ARFIP1: variants seen among roughly 807,000 people sequenced by gnomAD.
The protein encoded by ARFIP1 is arfaptin-1.
ARFIP1 carries 24 observed loss-of-function variants against 42.5 expected under a neutral mutation model. That is an observed-to-expected ratio of 0.57 (90% CI 0.41 to 0.80). The LOEUF is 0.80. Ranked by LOEUF, ARFIP1 falls within the 30% of genes least tolerant of loss-of-function variation. The pLI, the probability that ARFIP1 is intolerant of heterozygous loss-of-function variation, is 0.00. For synonymous variants in ARFIP1, 141 were observed against 153.7 expected, an observed-to-expected ratio of 0.92 and a Z score of 0.61; for missense variants, 354 against 434.0, an observed-to-expected ratio of 0.82 and a Z score of 1.64.
At chr4:152,845,909 G>A (rs1313514955) in intron 2 of ARFIP1, among the ~76,000 whole-genome samples, 1 of 152,124 alleles carries the variant, frequency 6.6e-6, no homozygotes, top group African/African-American at 2.4e-5. Context: ...TCATCAGAGT[G>A]CTATTGACAG....
At chr4:152,781,866 T>C (rs1730518216) in intron 1 of ARFIP1, among the ~76,000 whole-genome samples, 1 of 152,250 alleles carries the variant, frequency 6.6e-6, no homozygotes, top group Non-Finnish European at 1.5e-5. Context: ...TCAACAACTT[T>C]CAGGGGTCTT....
chr4:152,831,271 C>G (rs1350661692), intron 2 of ARFIP1, among the ~76,000 whole-genome samples: 2 of 152,182 alleles, frequency 1.3e-5, no homozygotes, highest in Admixed American at 6.5e-5. Context: ...AATATCTGCT[C>G]TGTACCAGGT....
rs536318352 is a variant in ARFIP1 at position 152,863,705 on chromosome 4, G to A, written c.193G>A (p.Ala65Thr). The A allele has an allele frequency of 6.3e-7, 1 of 1,599,848 alleles. No individual in the cohort carries two copies. Among genetic ancestry groups the A allele is most frequent in the South Asian group, 1.1e-5 (1 of 90,536 alleles). Residue 65 changes from alanine to threonine, a missense_variant, in exon 3 of 9, where the codon GCA (alanine) becomes ACA (threonine). By Grantham distance (58) the Ala-to-Thr change is moderately conservative. Transcript: ENST00000353617. ...CAAAGAGGGTGTTATTGAAGCAGGA[G>A]CATTTCAAGGTAAGAGCCCATATAT... is the stretch of plus-strand genomic sequence containing the variant. ...NTKEGVIEAG[A>T]FQGSPAPPLP...
chr4:152,846,318 TAACA>T (rs747408396), intron 2 of ARFIP1, among the ~76,000 whole-genome samples: 7 of 152,008 alleles, frequency 4.6e-5, no homozygotes, highest in Non-Finnish European at 1.0e-4. Flanking sequence ...TGTATCTGAG[TAACA>T]AACCTGCACA....
intron 8 of ARFIP1, among the ~76,000 whole-genome samples, chr4:152,904,479 C>T (rs1327583646): frequency 2.0e-5 from 3 of 151,926 alleles, no homozygotes; most frequent in African/African-American, 2.4e-5. Context: ...TGTGAGGCAC[C>T]GCACCTGGCC....
At chr4:152,862,122 T>G (rs1188571851) in intron 2 of ARFIP1, among the ~76,000 whole-genome samples, 1 of 152,212 alleles carries the variant, frequency 6.6e-6, no homozygotes, top group Non-Finnish European at 1.5e-5. Context: ...TTGGCCATGG[T>G]AGCCTAGTTG....
chr4:152,899,644 C>A (rs1167841187), intron 8 of ARFIP1, among the ~76,000 whole-genome samples: 4 of 152,134 alleles, frequency 2.6e-5, no homozygotes, highest in Admixed American at 2.6e-4. Flanking sequence ...AGTGCCCAGG[C>A]CTTTCTCCAG....
intron 2 of ARFIP1, among the ~76,000 whole-genome samples, chr4:152,839,993 T>C (rs995185764): frequency 3.3e-5 from 5 of 151,946 alleles, no homozygotes; most frequent in South Asian, 4.1e-4. Context: ...TTCCACCTTG[T>C]TTTCATTTTT....
chr4:152,807,579 T>C (rs984213332), intron 1 of ARFIP1, among the ~76,000 whole-genome samples: 3 of 152,224 alleles, frequency 2.0e-5, no homozygotes, highest in African/African-American at 7.2e-5. Context: ...TGAAGTGTTC[T>C]GTTACGTTTT....
chr4:152,881,277 T>A, intron 6 of ARFIP1, 93 bp downstream of exon 6: 1 of 978,140 alleles, frequency 1.0e-6, no homozygotes, highest in Non-Finnish European at 1.5e-6. Flanking sequence ...GCTGAACTCT[T>A]AATGAAGATG....
chr4:152,800,156 A>T (rs1473489883), intron 1 of ARFIP1, among the ~76,000 whole-genome samples: 1 of 152,202 alleles, frequency 6.6e-6, no homozygotes, highest in African/African-American at 2.4e-5. Context: ...CAGTTAACAA[A>T]AGTACAGTTT....
At chr4:152,822,296 TAAAAA>T (rs70949618) in intron 1 of ARFIP1, among the ~76,000 whole-genome samples, 5 of 65,580 alleles carry the variant, frequency 7.6e-5, no homozygotes, top group African/African-American at 1.5e-4. Context: ...GCAACAGCAG[TAAAAA>T]AAAAAAAAAA....
intron 1 of ARFIP1, among the ~76,000 whole-genome samples, chr4:152,820,495 G>A (rs1270575038): frequency 6.6e-6 from 1 of 152,140 alleles, no homozygotes; most frequent in East Asian, 1.9e-4. Flanking sequence ...AGGCTTAATT[G>A]GCTCATGGTT....
At chr4:152,908,003 A>G (rs1187626046) in intron 8 of ARFIP1, among the ~76,000 whole-genome samples, 1 of 152,218 alleles carries the variant, frequency 6.6e-6, no homozygotes, top group Non-Finnish European at 1.5e-5. Context: ...ACCCGTCAAT[A>G]GTATATAGTT....
chr4:152,891,395 C>T (rs1255120219), intron 8 of ARFIP1, among the ~76,000 whole-genome samples: 3 of 152,148 alleles, frequency 2.0e-5, no homozygotes, highest in Non-Finnish European at 2.9e-5. Context: ...TAAGTATTGT[C>T]GGACTGTTCT....
chr4:152,864,965 A>G (rs975509092), intron 3 of ARFIP1, among the ~76,000 whole-genome samples: 2 of 138,114 alleles, frequency 1.4e-5, no homozygotes, highest in African/African-American at 5.6e-5. Flanking sequence ...CCGTGTAAAC[A>G]TTTAGATGTG....
chr4:152,907,973 A>G (rs1208846457), intron 8 of ARFIP1, among the ~76,000 whole-genome samples: 1 of 152,224 alleles, frequency 6.6e-6, no homozygotes, highest in Non-Finnish European at 1.5e-5. Context: ...GTTTTCAAAA[A>G]CAATTGTACA....
intron 1 of ARFIP1, among the ~76,000 whole-genome samples, chr4:152,810,661 A>G (rs984399210): frequency 1.3e-5 from 2 of 151,970 alleles, no homozygotes; most frequent in Non-Finnish European, 2.9e-5. Context: ...ACAAAAAAAA[A>G]AAATATTAGC....
At chr4:152,909,810 G>A (rs1738689040) in intron 8 of ARFIP1, among the ~76,000 whole-genome samples, 1 of 152,126 alleles carries the variant, frequency 6.6e-6, no homozygotes, top group Non-Finnish European at 1.5e-5. Context: ...AATAATGTTT[G>A]AAAATGGTTA....
Sources: gnomAD v4.1 joint callset for allele counts (sites outside exome capture counted in the v4.1 genomes callset) on GRCh38, gnomAD v4.1.1 for gene constraint, MANE v1.5 for transcripts, NCBI Gene and HGNC (gene_info 2026-07-23, HGNC 2026-07-21) for gene names.